The following CALHM2 variants were observed in gnomAD, a reference collection of about 807,000 sequenced individuals.
The protein encoded by CALHM2 is calcium homeostasis modulator protein 2.
Under a neutral mutation model 20.4 loss-of-function variants are expected in CALHM2, and 18 were observed. The observed-to-expected ratio is 0.88, with a 90% CI of 0.61 to 1.31. The LOEUF is 1.31. Among genes scored for constraint, CALHM2 ranks in the 50% most tolerant of loss-of-function variants. The pLI is 0.00. For missense variants in CALHM2, 411 were observed against 435.7 expected (o/e 0.94, Z 0.50); for synonymous variants, 193 against 192.1 (o/e 1.00, Z -0.04).
At position 103,449,450 on chromosome 10, in the gene CALHM2, C is replaced by T. The variant is rs2232661; in HGVS notation, c.492G>A (p.Glu164=). Residue 164 remains glutamate (E), a synonymous_variant, in exon 3 of 4, where the codon GAG becomes GAA. Coordinates refer to ENST00000260743, the MANE Select transcript of CALHM2 (RefSeq NM_015916.5). ...TEILARFPCK[E]NPDNLSDFRE... is the part of the protein sequence containing the mutation. Reference sequence around the variant, plus strand: ...GGAAGTCTGACAGGTTGTCAGGGTTCTCCTTGCAGGGGAACCTGGCCAGGA... The same window carrying T: ...GGAAGTCTGACAGGTTGTCAGGGTTTTCCTTGCAGGGGAACCTGGCCAGGA... The T allele has an allele frequency of 7.2e-5, 116 of 1,613,140 alleles. 6 individuals carry two copies. Among genetic ancestry groups the T allele is most frequent in the East Asian group, 5.1e-4 (23 of 44,882 alleles).
Position 103,449,713 on chromosome 10 carries a change from T to C in CALHM2, c.229A>G (p.Asn77Asp). The change falls in exon 3 of 4, where the codon AAC (asparagine) becomes GAC (aspartate). Residue 77 changes from asparagine to aspartate, a missense_variant. Transcript: ENST00000260743. ...TCGGCCACGAGGTTCCAGGTGTGGT[T>C]GTTGAGGATGATGCCAATGATGAAG... The part of the protein sequence containing the change: ...VLFIIGIILN[N>D]HTWNLVAECQ... The C allele has an allele frequency of 6.2e-7, 1 of 1,613,350 alleles. No homozygotes were observed. Among genetic ancestry groups the C allele is most frequent in the South Asian group, 1.1e-5 (1 of 91,038 alleles).
Position 103,447,169 on chromosome 10 carries a change from C to T in CALHM2, c.955G>A (p.Ala319Thr). Reference sequence around the variant, plus strand: ...GCACCTCCTTAGGAGGGGAGCAGGGCCATCTCCACGTTGTCAGGGGCCGCG... The same window carrying T: ...GCACCTCCTTAGGAGGGGAGCAGGGTCATCTCCACGTTGTCAGGGGCCGCG... The part of the protein sequence containing the change: ...NGAAPDNVEM[A>T]LLPS Residue 319 changes from alanine (A) to threonine (T), a missense_variant, in exon 4 of 4, where the codon GCC becomes ACC. Ala to Thr is a moderately conservative substitution (Grantham distance 58, BLOSUM62 0). Coordinates refer to ENST00000260743, the MANE Select transcript of CALHM2 (RefSeq NM_015916.5). 6.2e-7 allele frequency: 1 copy of T among 1,609,288 alleles called. No homozygotes were observed. Among genetic ancestry groups the T allele is most frequent in the Non-Finnish European group, 8.5e-7 (1 of 1,176,824 alleles).
rs1231352152 is a variant in CALHM2 at position 103,446,939 on chromosome 10, C to T, written c.*213G>A. 3.6e-6 allele frequency: 2 copies of T among 555,438 alleles called. No homozygotes were observed. Among genetic ancestry groups the T allele is most frequent in the Non-Finnish European group, 3.2e-6 (1 of 315,442 alleles). 34.4% of individuals were successfully genotyped at this position (555,438 alleles called of 1,614,324 possible). A position where few individuals can be genotyped will look rare whatever the true frequency, so the allele number is the denominator to read the frequency against. ...CTGCATAGAGTACCATAAAGGAGCC[C>T]ACTGGTGAGCTTCACTGTCACCTGG... On this transcript the variant is annotated 3_prime_UTR_variant, in exon 4 of 4. Coordinates refer to ENST00000260743, the MANE Select transcript of CALHM2 (RefSeq NM_015916.5).
At chr10:103,449,348 C>T in intron 3 of CALHM2, 39 bp downstream of exon 3, 1 of 1,574,208 alleles carries the variant, frequency 6.4e-7, no homozygotes, top group Non-Finnish European at 8.7e-7. Context: ...CACCAGCCAC[C>T]ACTAGGGAAG....
intron 3 of CALHM2, 59 bp from the exon 4 acceptor site, chr10:103,447,627 C>G (rs569104508): frequency 3.5e-6 from 5 of 1,417,284 alleles, no homozygotes; most frequent in Non-Finnish European, 4.7e-6. Flanking sequence ...CCCTACCCCC[C>G]AGAGCGAATG....
In CALHM2 at chr10:103,449,882, A is replaced by G; in HGVS notation, c.60T>C (p.Asp20=). ...RFLSLFFKSK[D]VMIFNGLVAL... ...CCACCAGGCCGTTGAAAATCATCAC[A>G]TCCTTGCTCTTGAAGAAAAGTGACA... Residue 20 remains aspartate, a synonymous_variant, in exon 3 of 4, where the codon GAT becomes GAC. Transcript: ENST00000260743. 6.2e-7 allele frequency: 1 copy of G among 1,613,008 alleles called. No homozygotes were observed. The highest frequency in any genetic ancestry group is 8.5e-7 in the Non-Finnish European group (1 of 1,179,852).
Position 103,447,078 on chromosome 10 carries a change from T to A in CALHM2, c.*74A>T. On this transcript the variant is annotated 3_prime_UTR_variant, in exon 4 of 4. Coordinates refer to ENST00000260743, the MANE Select transcript of CALHM2 (RefSeq NM_015916.5). ...GTTTTTTAAAAATCCCCTTCTGATA[T>A]GGATGTGAGCAAGCAGTGGGGTTCA... 1 of 1,411,758 alleles carries A rather than the reference T, an allele frequency of 7.1e-7. No individual in the cohort carries two copies. Among genetic ancestry groups the A allele is most frequent in the Admixed American group, 2.2e-5 (1 of 44,784 alleles). 87.5% of individuals were successfully genotyped at this position (1,411,758 alleles called of 1,614,324 possible).
In CALHM2 at chr10:103,449,614, CA is replaced by C. The variant is rs765097337; in HGVS notation, c.327del (p.Ala110ArgfsTer92). On this transcript the variant is annotated frameshift_variant, in exon 3 of 4. Transcript: ENST00000260743. LOFTEE classifies it high-confidence loss of function. ...TFLLLSSILG[R>X]AAVAPVTWSV... ...GACCAGGTGACAGGGGCCACAGCCG[CA>C]CGTCCCAGGATGGAGCTTAGAAGGA... is the stretch of plus-strand genomic sequence containing the variant. 1.3e-5 allele frequency: 21 copies of C among 1,613,796 alleles called. No individual in the cohort carries two copies. The South Asian group carries it at 2.3e-4, about 18-fold the overall frequency.
chr10:103,447,451 C>G lies in CALHM2; in HGVS notation c.673G>C (p.Ala225Pro). The G allele has an allele frequency of 6.2e-7, 1 of 1,614,138 alleles. No homozygotes were observed. The highest frequency in any genetic ancestry group is 8.5e-7 in the Non-Finnish European group (1 of 1,179,986). The change falls in exon 4 of 4, where the codon GCC (alanine) becomes CCC (proline). Residue 225 changes from alanine (A) to proline (P), a missense_variant. By Grantham distance (27) the Ala-to-Pro change is conservative. Coordinates refer to ENST00000260743, the MANE Select transcript of CALHM2 (RefSeq NM_015916.5). ...CGCTGGAACAGCTGGTCCTCATTGGCGCGGTACTGCGCCCAGTAGGCCTCC... is the reference window on the plus strand; with the variant it reads ...CGCTGGAACAGCTGGTCCTCATTGGGGCGGTACTGCGCCCAGTAGGCCTCC... ...RQEAYWAQYR[A>P]NEDQLFQRTA...
Position 103,447,125 on chromosome 10 carries a change from T to C in CALHM2, c.*27A>G. On this transcript the variant is annotated 3_prime_UTR_variant, in exon 4 of 4. Coordinates refer to ENST00000260743, the MANE Select transcript of CALHM2 (RefSeq NM_015916.5). ...TTCAGTTTGGGACCAAGTAGTGCCA[T>C]TTACAAAGAGCATGGGAAGCACCTC... 5.8e-6 allele frequency: 9 copies of C among 1,562,756 alleles called. No individual in the cohort carries two copies. The highest frequency in any genetic ancestry group is 7.8e-6 in the Non-Finnish European group (9 of 1,152,230).
chr10:103,447,053 G>C lies in CALHM2; in HGVS notation c.*99C>G. 1 of 1,314,418 alleles carries C rather than the reference G, an allele frequency of 7.6e-7. No homozygotes were observed. 81.4% of individuals were successfully genotyped at this position (1,314,418 alleles called of 1,614,324 possible). On this transcript the variant is annotated 3_prime_UTR_variant, in exon 4 of 4. Coordinates refer to ENST00000260743, the MANE Select transcript of CALHM2 (RefSeq NM_015916.5). ...CTTTCCCCTGGCCAAGAAGATAACA[G>C]TTTTTTAAAAATCCCCTTCTGATAT...
chr10:103,450,447 G>A (rs2032924780), intron 2 of CALHM2: 2 of 180,238 alleles, frequency 1.1e-5, no homozygotes, highest in South Asian at 1.3e-4. Flanking sequence ...GGTAGGGCTT[G>A]GGGGTGGCCC....
At position 103,449,977 on chromosome 10, in the gene CALHM2, A is replaced by C. The variant is rs772076601; in HGVS notation, c.-36T>G. The C allele has an allele frequency of 1.3e-6, 2 of 1,577,634 alleles. No homozygotes were observed. Among genetic ancestry groups the C allele is most frequent in the East Asian group, 4.5e-5 (2 of 44,550 alleles). ...GTGGCGGGGTGGATTGCAGGAGAGG[A>C]GGCAGGAGGAGACGGGATTGATGGT... On this transcript the variant is annotated 5_prime_UTR_variant, in exon 3 of 4. Coordinates refer to ENST00000260743, the MANE Select transcript of CALHM2 (RefSeq NM_015916.5).
In CALHM2 at chr10:103,450,008, G is replaced by C; in HGVS notation, c.-67C>G. On this transcript the variant is annotated 5_prime_UTR_variant, in exon 3 of 4. Transcript: ENST00000260743. ...GAGGAGACGGGATTGATGGTTGCTG[G>C]TGGTACTAGGAAGGGGCACAGGCTG... 2 of 1,453,064 alleles carry C rather than the reference G, an allele frequency of 1.4e-6. No individual in the cohort carries two copies. The highest frequency in any genetic ancestry group is 1.9e-6 in the Non-Finnish European group (2 of 1,058,414). 90.0% of individuals were successfully genotyped at this position (1,453,064 alleles called of 1,614,324 possible). A position where few individuals can be genotyped will look rare whatever the true frequency, so the allele number is the denominator to read the frequency against.
At position 103,449,743 on chromosome 10, in the gene CALHM2, C is replaced by G. The variant is rs776586851; in HGVS notation, c.199G>C (p.Val67Leu). Residue 67 changes from valine (V) to leucine (L), a missense_variant, in exon 3 of 4, where the codon GTG (valine) becomes CTG (leucine). Physicochemically the swap from Val to Leu is conservative, Grantham distance 32 (BLOSUM62 1). Coordinates refer to ENST00000260743, the MANE Select transcript of CALHM2 (RefSeq NM_015916.5). Reference sequence around the variant, plus strand: ...AGGATGATGCCAATGATGAAGAGCACCAGGGCGGGCACGCCGATGGCCGCC... The same window carrying G: ...AGGATGATGCCAATGATGAAGAGCAGCAGGGCGGGCACGCCGATGGCCGCC... The part of the protein sequence containing the change: ...GLAAIGVPAL[V>L]LFIIGIILNN... 1.4e-5 allele frequency: 22 copies of G among 1,613,396 alleles called. No homozygotes were observed. The South Asian group carries it at 1.6e-4, about 12-fold the overall frequency.
At position 103,447,523 on chromosome 10, in the gene CALHM2, G is replaced by A. The variant is rs1427805445; in HGVS notation, c.601C>T (p.Leu201=). The change falls in exon 4 of 4, where the codon CTG becomes TTG. Residue 201 remains leucine, a synonymous_variant. Transcript: ENST00000260743. ...LIGVVAILVF[L]TKCLKHYCSP... is the part of the protein sequence containing the mutation. Reference sequence around the variant, plus strand: ...CAGTAATGCTTGAGGCACTTGGTCAGGAACACCAGGATGGCCACCACGCCG... The same window carrying A: ...CAGTAATGCTTGAGGCACTTGGTCAAGAACACCAGGATGGCCACCACGCCG... 1 of 1,609,240 alleles carries A rather than the reference G, an allele frequency of 6.2e-7. No individual in the cohort carries two copies. Among genetic ancestry groups the A allele is most frequent in the African/African-American group, 1.3e-5 (1 of 74,982 alleles).
Position 103,449,814 on chromosome 10 carries a change from G to C in CALHM2, c.128C>G (p.Ala43Gly). The C allele has an allele frequency of 6.2e-7, 1 of 1,613,416 alleles. No individual in the cohort carries two copies. The highest frequency in any genetic ancestry group is 8.5e-7 in the Non-Finnish European group (1 of 1,180,032). Reference protein sequence around the residue: ...VGSQELFSVVAFHCPCSPARN... With the variant: ...VGSQELFSVVGFHCPCSPARN... ...GGCCGGCGAGCAGGGGCAGTGGAAGGCCACCACAGAGAACAGCTCCTGGCT... is the reference window on the plus strand; with the variant it reads ...GGCCGGCGAGCAGGGGCAGTGGAAGCCCACCACAGAGAACAGCTCCTGGCT... The change falls in exon 3 of 4, where the codon GCC becomes GGC. Residue 43 changes from alanine to glycine, a missense_variant. By Grantham distance (60) the Ala-to-Gly change is moderately conservative. Coordinates refer to ENST00000260743, the MANE Select transcript of CALHM2 (RefSeq NM_015916.5).
At chr10:103,448,987 T>C (rs887956401) in intron 3 of CALHM2, among the ~76,000 whole-genome samples, 1 of 152,166 alleles carries the variant, frequency 6.6e-6, no homozygotes, top group African/African-American at 2.4e-5. Context: ...AGTGCTTGGC[T>C]GGGCCCTTCC....
chr10:103,451,052 T>G (rs948783275), intron 2 of CALHM2, 31 bp downstream of exon 2: 3 of 152,182 alleles, frequency 2.0e-5, no homozygotes, highest in Non-Finnish European at 2.9e-5. Flanking sequence ...CTGCACTAAG[T>G]GAACCCTCTT....
Sources: gnomAD v4.1 joint callset for allele counts (sites outside exome capture counted in the v4.1 genomes callset) on GRCh38, gnomAD v4.1.1 for gene constraint, MANE v1.5 for transcripts, NCBI Gene and HGNC (gene_info 2026-07-23, HGNC 2026-07-21) for gene names.